MCTP2: variants seen among roughly 807,000 people sequenced by gnomAD.
MCTP2 encodes multiple C2 and transmembrane domain containing 2.
A neutral mutation model predicts 111.6 loss-of-function variants in MCTP2; 132 were observed. The observed-to-expected ratio is 1.18, with a 90% CI of 1.03 to 1.37. The LOEUF is 1.37. MCTP2 is among the 40% of genes most tolerant of loss of function. The probability of loss-of-function intolerance (pLI) is 0.00; values close to 1 mark genes in which losing one functional copy is unlikely to be tolerated. For missense variants in MCTP2, 1,183 were observed against 1,067.9 expected, an observed-to-expected ratio of 1.11 and a Z score of -1.50; for synonymous variants, 395 against 387.7, an observed-to-expected ratio of 1.02 and a Z score of -0.22.
intron 2 of MCTP2, among the ~76,000 whole-genome samples, chr15:94,309,434 T>G (rs528468859): frequency 2.3e-4 from 35 of 152,362 alleles, no homozygotes; most frequent in Admixed American, 1.3e-3. Context: ...TATTTAGCTT[T>G]TCTGGATGTG....
intron 2 of MCTP2, among the ~76,000 whole-genome samples, chr15:94,303,421 C>T (rs934521608): frequency 6.6e-6 from 1 of 151,878 alleles, no homozygotes; most frequent in Non-Finnish European, 1.5e-5. Flanking sequence ...TAGATGATGC[C>T]CACCCAGATT....
chr15:94,274,346 A>G (rs1046788277), intron 1 of MCTP2, among the ~76,000 whole-genome samples: 2 of 152,230 alleles, frequency 1.3e-5, no homozygotes, highest in African/African-American at 2.4e-5. Flanking sequence ...CTAATTTTCA[A>G]TGTCAATAGT....
intron 1 of MCTP2, among the ~76,000 whole-genome samples, chr15:94,284,575 C>T (rs12902185): frequency 0.11 from 16,663 of 152,088 alleles, 970 homozygotes; most frequent in Non-Finnish European, 0.14. Flanking sequence ...TAGTCATGTA[C>T]GACTTATGTA....
intron 8 of MCTP2, among the ~76,000 whole-genome samples, chr15:94,346,697 G>A (rs1190020003): frequency 6.6e-6 from 1 of 152,186 alleles, no homozygotes; most frequent in Non-Finnish European, 1.5e-5. Flanking sequence ...GAACATAAAG[G>A]CTAGAAAGAA....
chr15:94,273,773 TC>T (rs2074038634), intron 1 of MCTP2: 1 of 191,186 alleles, frequency 5.2e-6, no homozygotes. Context: ...CACACACACT[TC>T]CTTGTGTCCC....
At chr15:94,443,682 CTG>C (rs2083921750) in intron 19 of MCTP2, among the ~76,000 whole-genome samples, 1 of 152,122 alleles carries the variant, frequency 6.6e-6, no homozygotes, top group African/African-American at 2.4e-5. Context: ...GACACTGGCT[CTG>C]TGATACAAAG....
intron 1 of MCTP2, among the ~76,000 whole-genome samples, chr15:94,257,556 CATTTTCTTTGTTG>C (rs1210111861): frequency 2.6e-5 from 2 of 75,650 alleles, no homozygotes; most frequent in Non-Finnish European, 5.4e-5. Flanking sequence ...TATTTGTTGT[CATTTTCTTTGTTG>C]TTTTTTTTTT....
At chr15:94,297,846 C>T (rs764204668) in intron 1 of MCTP2, among the ~76,000 whole-genome samples, 24 of 152,132 alleles carry the variant, frequency 1.6e-4, no homozygotes, top group Non-Finnish European at 3.4e-4. Context: ...TACTGAAGAA[C>T]AGCTGCTGTT....
intron 9 of MCTP2, 43 bp downstream of exon 9, chr15:94,356,344 T>TG: frequency 1.4e-6 from 2 of 1,418,922 alleles, no homozygotes; most frequent in South Asian, 1.6e-5. Context: ...ATCTTTAAAA[T>TG]AAAAAAAAAT....
chr15:94,361,758 G>A (rs780183453), intron 10 of MCTP2, among the ~76,000 whole-genome samples: 7 of 152,130 alleles, frequency 4.6e-5, no homozygotes, highest in African/African-American at 1.2e-4. Context: ...AGTGACCATC[G>A]TCAAGGACAT....
intron 1 of MCTP2, among the ~76,000 whole-genome samples, chr15:94,272,440 C>T (rs926435499): frequency 1.3e-5 from 2 of 152,140 alleles, no homozygotes; most frequent in Non-Finnish European, 2.9e-5. Context: ...CCAGCCTCTT[C>T]TGCTCGACCT....
intron 1 of MCTP2, among the ~76,000 whole-genome samples, chr15:94,285,019 T>C (rs2074683863): frequency 6.6e-6 from 1 of 152,180 alleles, no homozygotes; most frequent in Admixed American, 6.5e-5. Context: ...TCAGCTTTGG[T>C]AATTCTCTAG....
At chr15:94,376,846 T>C (rs930399852) in intron 12 of MCTP2, among the ~76,000 whole-genome samples, 2 of 152,178 alleles carry the variant, frequency 1.3e-5, no homozygotes, top group Non-Finnish European at 2.9e-5. Context: ...CTGAACTACT[T>C]TTGTGCTTGA....
chr15:94,463,582 A>G (rs983398637), intron 20 of MCTP2, among the ~76,000 whole-genome samples: 8 of 151,938 alleles, frequency 5.3e-5, no homozygotes, highest in African/African-American at 1.9e-4. Context: ...CATTTTCTTG[A>G]CTTGCTGTAC....
intron 21 of MCTP2, among the ~76,000 whole-genome samples, chr15:94,471,581 T>G (rs556147500): frequency 1.3e-5 from 2 of 152,252 alleles, no homozygotes; most frequent in East Asian, 3.9e-4. Flanking sequence ...ATCCAATTAT[T>G]CTCTAAACTA....
chr15:94,323,378 A>G (rs879723400), intron 4 of MCTP2, among the ~76,000 whole-genome samples: 1 of 152,248 alleles, frequency 6.6e-6, no homozygotes, highest in Non-Finnish European at 1.5e-5. Context: ...TGGGAGACTA[A>G]GAACTCCCTG....
chr15:94,288,186 C>CA, intron 1 of MCTP2, among the ~76,000 whole-genome samples: 1 of 152,326 alleles, frequency 6.6e-6, no homozygotes, highest in Middle Eastern at 3.4e-3. Context: ...GTCTTCCCCA[C>CA]AACCCTGGTA....
At chr15:94,242,029 TC>T in intron 1 of MCTP2, among the ~76,000 whole-genome samples, 1 of 152,296 alleles carries the variant, frequency 6.6e-6, no homozygotes. Flanking sequence ...GAGAAAAGGT[TC>T]CAAATTATTC....
intron 17 of MCTP2, among the ~76,000 whole-genome samples, chr15:94,406,152 C>G (rs970345825): frequency 6.6e-6 from 1 of 152,146 alleles, no homozygotes; most frequent in African/African-American, 2.4e-5. Context: ...ATTCATAGTT[C>G]ATGTTATTTC....
Sources: gnomAD v4.1 joint callset for allele counts (sites outside exome capture counted in the v4.1 genomes callset) on GRCh38, gnomAD v4.1.1 for gene constraint, MANE v1.5 for transcripts, NCBI Gene and HGNC (gene_info 2026-07-23, HGNC 2026-07-21) for gene names.